The following TEAD1 variants were observed in gnomAD, a reference collection of about 807,000 sequenced individuals.
TEAD1 encodes the protein transcriptional enhancer factor TEF-1.
In TEAD1, 9 loss-of-function variants were observed where a neutral mutation model predicts 54.9. That is an observed-to-expected ratio of 0.16 (90% CI 0.10 to 0.29). TEAD1 has a LOEUF of 0.29. Among genes scored for constraint, TEAD1 ranks in the 10% least tolerant of loss-of-function variants. The probability of loss-of-function intolerance (pLI) is 1.00; values close to 1 mark genes in which losing one functional copy is unlikely to be tolerated. For missense variants in TEAD1, 387 were observed against 535.9 expected, an observed-to-expected ratio of 0.72 and a Z score of 2.74; for synonymous variants, 200 against 187.8, an observed-to-expected ratio of 1.07 and a Z score of -0.53.
chr11:12,807,077 A>G (rs900622208), intron 3 of TEAD1, among the ~76,000 whole-genome samples: 5 of 152,260 alleles, frequency 3.3e-5, no homozygotes, highest in African/African-American at 1.2e-4. Context: ...AGAGCATCAC[A>G]GCACAGACAA....
intron 3 of TEAD1, among the ~76,000 whole-genome samples, chr11:12,860,426 G>T (rs1046627691): frequency 6.6e-6 from 1 of 152,310 alleles, no homozygotes; most frequent in East Asian, 1.9e-4. Context: ...ACCATGTCCT[G>T]CACAGTCCCA....
intron 3 of TEAD1, among the ~76,000 whole-genome samples, chr11:12,783,776 T>A (rs958109889): frequency 6.6e-6 from 1 of 151,266 alleles, no homozygotes; most frequent in Non-Finnish European, 1.5e-5. Context: ...TTTTCAGGAG[T>A]AGTAAGGAGG....
chr11:12,923,741 CAGAG>C (rs1948856349), intron 10 of TEAD1, among the ~76,000 whole-genome samples: 1 of 152,174 alleles, frequency 6.6e-6, no homozygotes, highest in Admixed American at 6.5e-5. Flanking sequence ...CATGAAGGGC[CAGAG>C]AGAGCCAGCT....
At chr11:12,804,732 C>T (rs956534608) in intron 3 of TEAD1, among the ~76,000 whole-genome samples, 4 of 152,156 alleles carry the variant, frequency 2.6e-5, no homozygotes, top group Non-Finnish European at 5.9e-5. Context: ...CGCTCCCTGC[C>T]TCTCTCCACT....
At chr11:12,705,258 C>G (rs757468503) in intron 2 of TEAD1, among the ~76,000 whole-genome samples, 1 of 152,228 alleles carries the variant, frequency 6.6e-6, no homozygotes, top group East Asian at 1.9e-4. Flanking sequence ...AGACCACAAG[C>G]TTTTATCTTG....
chr11:12,932,276 G>T (rs1949024645), intron 12 of TEAD1, among the ~76,000 whole-genome samples: 3 of 152,252 alleles, frequency 2.0e-5, no homozygotes, highest in Middle Eastern at 6.8e-3. Flanking sequence ...ACATATAGGT[G>T]CTTCCTGTTG....
chr11:12,934,049 A>G lies in TEAD1; in HGVS notation c.1168-3060A>G, dbSNP rs564368823. On this transcript the variant is annotated intron_variant, in intron 12 of 12. Coordinates refer to ENST00000527636, the MANE Select transcript of TEAD1 (RefSeq NM_021961.6). ...ATCCCATTACTGGGTATATACCCAA[A>G]GGATTATAAATCATGCTGCTATAAA... is the stretch of plus-strand genomic sequence containing the variant. 2.0e-5 allele frequency among the ~76,000 whole-genome samples: 3 copies of G among 152,334 alleles called. No individual in the cohort carries two copies. In the East Asian group the frequency reaches 5.8e-4, roughly 29 times the overall value.
chr11:12,885,344 T>C (rs944421646), intron 9 of TEAD1, among the ~76,000 whole-genome samples: 21 of 150,900 alleles, frequency 1.4e-4, no homozygotes, highest in African/African-American at 5.1e-4. Context: ...CACGCCATTC[T>C]CCTGCCTCAG....
chr11:12,850,881 A>T (rs904141273), intron 3 of TEAD1, among the ~76,000 whole-genome samples: 2 of 152,112 alleles, frequency 1.3e-5, no homozygotes, highest in African/African-American at 4.8e-5. Context: ...AGTGGCAGGG[A>T]CATGGGTATA....
At chr11:12,747,084 T>A (rs1457021851) in intron 2 of TEAD1, among the ~76,000 whole-genome samples, 1 of 152,212 alleles carries the variant, frequency 6.6e-6, no homozygotes, top group African/African-American at 2.4e-5. Context: ...GTGGTTCTAG[T>A]CTAAGGTATG....
Position 12,908,883 on chromosome 11 carries a change from G to GTTTTTTTTTTT in TEAD1, c.873+6773_873+6783dup, listed in dbSNP as rs60042137. ...TATGTCAGTATACTTCAAATTATCT[G>GTTTTTTTTTTT]TTTTTTTTTTTTTGAGACAGTGTTG... On this transcript the variant is annotated intron_variant, in intron 10 of 12. Transcript: ENST00000527636. Among the ~76,000 whole-genome samples, 52 of 99,646 alleles carry GTTTTTTTTTTT rather than the reference G, an allele frequency of 5.2e-4. 1 individual carries two copies. The highest frequency in any genetic ancestry group is 1.2e-3 in the African/African-American group (39 of 31,378). 65.4% of individuals were successfully genotyped at this position (99,646 alleles called of 152,430 possible). A position where few individuals can be genotyped will look rare whatever the true frequency, so the allele number is the denominator to read the frequency against.
chr11:12,818,368 T>C (rs762942628), intron 3 of TEAD1, among the ~76,000 whole-genome samples: 24 of 152,226 alleles, frequency 1.6e-4, no homozygotes, highest in Non-Finnish European at 2.9e-4. Flanking sequence ...TTTATAAATA[T>C]GTTTTGAAAA....
intron 10 of TEAD1, among the ~76,000 whole-genome samples, chr11:12,918,543 ATAAT>A (rs760070377): frequency 5.8e-4 from 88 of 152,064 alleles, no homozygotes; most frequent in Non-Finnish European, 1.1e-3. Flanking sequence ...ATTTACACTA[ATAAT>A]TAAATAGAGA....
At chr11:12,854,058 G>C (rs1947324816) in intron 3 of TEAD1, among the ~76,000 whole-genome samples, 1 of 152,164 alleles carries the variant, frequency 6.6e-6, no homozygotes, top group Non-Finnish European at 1.5e-5. Flanking sequence ...GGAACAAGTA[G>C]TACCAGCCCC....
chr11:12,882,523 C>A (rs1947994495), intron 8 of TEAD1, among the ~76,000 whole-genome samples: 1 of 152,164 alleles, frequency 6.6e-6, no homozygotes, highest in Non-Finnish European at 1.5e-5. Flanking sequence ...ATGGATTCCC[C>A]AAACTGAAAA....
chr11:12,717,723 A>C (rs1001837447), intron 2 of TEAD1, among the ~76,000 whole-genome samples: 2 of 152,154 alleles, frequency 1.3e-5, no homozygotes, highest in African/African-American at 4.8e-5. Context: ...CCCACTGCTC[A>C]CCCCAGGCCC....
In TEAD1 at chr11:12,938,210, T is replaced by G. The variant is rs1444271302; in HGVS notation, c.*988T>G. 6.6e-6 allele frequency: 1 copy of G among 152,646 alleles called. No homozygotes were observed. The highest frequency in any genetic ancestry group is 1.5e-5 in the Non-Finnish European group (1 of 68,036). The allele number at this position is 152,646 out of a possible 1,614,324, so 9.5% of individuals were successfully genotyped here. A position where few individuals can be genotyped will look rare whatever the true frequency, so the allele number is the denominator to read the frequency against. Reference sequence around the variant, plus strand: ...TAATAACAAAATTTTAAAATTGGCATGAATACGGAATACTGCACTGTGAGA... The same window carrying G: ...TAATAACAAAATTTTAAAATTGGCAGGAATACGGAATACTGCACTGTGAGA... On this transcript the variant is annotated 3_prime_UTR_variant, in exon 13 of 13. Coordinates refer to ENST00000527636, the MANE Select transcript of TEAD1 (RefSeq NM_021961.6).
chr11:12,888,737 A>G (rs1483740128), intron 9 of TEAD1, among the ~76,000 whole-genome samples: 1 of 152,208 alleles, frequency 6.6e-6, no homozygotes, highest in South Asian at 2.1e-4. Context: ...TGCCAACACT[A>G]TGCATTATCT....
intron 3 of TEAD1, among the ~76,000 whole-genome samples, chr11:12,768,696 G>A (rs1163099582): frequency 6.6e-6 from 1 of 152,170 alleles, no homozygotes. Flanking sequence ...GAGCCCCAGC[G>A]CAGCTGTATT....
Sources: gnomAD v4.1 joint callset for allele counts (sites outside exome capture counted in the v4.1 genomes callset) on GRCh38, gnomAD v4.1.1 for gene constraint, MANE v1.5 for transcripts, NCBI Gene and HGNC (gene_info 2026-07-23, HGNC 2026-07-21) for gene names.